The following TBC1D22A variants were observed in gnomAD, a reference collection of about 807,000 sequenced individuals.
The protein encoded by TBC1D22A is putative GTPase activator.
Under a neutral mutation model 60.2 loss-of-function variants are expected in TBC1D22A, and 38 were observed. That is an observed-to-expected ratio of 0.63 (90% CI 0.49 to 0.83). TBC1D22A has a LOEUF of 0.83. Among genes scored for constraint, TBC1D22A ranks in the 40% least tolerant of loss-of-function variants. The probability of loss-of-function intolerance (pLI) is 0.00; values close to 1 mark genes in which losing one functional copy is unlikely to be tolerated. For synonymous variants in TBC1D22A, 302 were observed against 281.7 expected (o/e 1.07, Z -0.72); for missense variants, 628 against 701.0 (o/e 0.90, Z 1.18).
intron 11 of TBC1D22A, among the ~76,000 whole-genome samples, chr22:47,058,759 G>T (rs1480652736): frequency 6.6e-6 from 1 of 152,108 alleles, no homozygotes; most frequent in African/African-American, 2.4e-5. Context: ...TTGGTCCGTA[G>T]GTCCCAGCGC....
intron 11 of TBC1D22A, among the ~76,000 whole-genome samples, chr22:47,040,052 C>T (rs2062790345): frequency 6.8e-6 from 1 of 146,324 alleles, no homozygotes; most frequent in Admixed American, 7.1e-5. Context: ...TCATGCCATT[C>T]TCCTGCCTCA....
At chr22:46,765,772 T>C (rs2083260070) in intron 1 of TBC1D22A, among the ~76,000 whole-genome samples, 1 of 133,498 alleles carries the variant, frequency 7.5e-6, no homozygotes, top group Non-Finnish European at 1.6e-5. Flanking sequence ...TGGCCTTGTT[T>C]TCCTCCTTTT....
At chr22:46,927,402 C>A (rs769384338) in intron 8 of TBC1D22A, among the ~76,000 whole-genome samples, 7 of 152,198 alleles carry the variant, frequency 4.6e-5, no homozygotes, top group Non-Finnish European at 8.8e-5. Context: ...AAATCCAACA[C>A]CCTTTTATGA....
chr22:47,167,223 A>G (rs2068241737), intron 12 of TBC1D22A, among the ~76,000 whole-genome samples: 1 of 152,230 alleles, frequency 6.6e-6, no homozygotes, highest in South Asian at 2.1e-4. Context: ...ACACCCAGGT[A>G]ACACCCAGGC....
chr22:47,169,869 G>A (rs1373590659), intron 12 of TBC1D22A, among the ~76,000 whole-genome samples: 1 of 152,228 alleles, frequency 6.6e-6, no homozygotes, highest in Non-Finnish European at 1.5e-5. Context: ...ATAGTTTTCT[G>A]GGCTGGGCCC....
At chr22:47,161,044 A>T (rs2067963710) in intron 12 of TBC1D22A, among the ~76,000 whole-genome samples, 1 of 152,196 alleles carries the variant, frequency 6.6e-6, no homozygotes, top group African/African-American at 2.4e-5. Flanking sequence ...CACCTGCCAC[A>T]GCACATGCTG....
At chr22:46,825,286 C>T (rs1602030375) in intron 4 of TBC1D22A, among the ~76,000 whole-genome samples, 2 of 152,074 alleles carry the variant, frequency 1.3e-5, no homozygotes, top group Non-Finnish European at 2.9e-5. Context: ...GGTCTGAACC[C>T]CGCCGTGCCC....
At position 47,173,856 on chromosome 22, in the gene TBC1D22A, G is replaced by T. The variant is rs1027150787; in HGVS notation, c.*230G>T. Reference sequence around the variant, plus strand: ...AAAGAGAGCCAGGGGAGGGCCCCGGGTTCGGCGGCCAGAGGCAGGTCAGGG... The same window carrying T: ...AAAGAGAGCCAGGGGAGGGCCCCGGTTTCGGCGGCCAGAGGCAGGTCAGGG... On this transcript the variant is annotated 3_prime_UTR_variant, in exon 13 of 13. Coordinates refer to ENST00000337137, the MANE Select transcript of TBC1D22A (RefSeq NM_014346.5). 9 of 605,946 alleles carry T rather than the reference G, an allele frequency of 1.5e-5. No homozygotes were observed. The highest frequency in any genetic ancestry group is 2.4e-5 in the Non-Finnish European group (9 of 379,890). 37.5% of individuals were successfully genotyped at this position (605,946 alleles called of 1,614,324 possible). A position where few individuals can be genotyped will look rare whatever the true frequency, so the allele number is the denominator to read the frequency against.
chr22:46,900,445 C>T (rs570734931), intron 7 of TBC1D22A, among the ~76,000 whole-genome samples: 4 of 152,164 alleles, frequency 2.6e-5, no homozygotes, highest in Admixed American at 6.5e-5. Context: ...TAACTGTGCC[C>T]GGCTTGACAG....
chr22:46,811,769 A>C (rs896692938), intron 4 of TBC1D22A, among the ~76,000 whole-genome samples: 4 of 152,198 alleles, frequency 2.6e-5, no homozygotes, highest in African/African-American at 9.7e-5. Context: ...TTTCAGAAGA[A>C]GGCAGTGGTA....
chr22:46,996,514 T>G (rs575505543), intron 9 of TBC1D22A, among the ~76,000 whole-genome samples: 9 of 152,254 alleles, frequency 5.9e-5, no homozygotes, highest in Non-Finnish European at 1.3e-4. Flanking sequence ...GCAACCCTGG[T>G]TCCCCTTGCC....
chr22:47,163,904 T>C (rs891061542), intron 12 of TBC1D22A, among the ~76,000 whole-genome samples: 2 of 152,184 alleles, frequency 1.3e-5, no homozygotes, highest in African/African-American at 4.8e-5. Flanking sequence ...TAACTGCACA[T>C]ATCAGCACCA....
chr22:47,045,827 G>T (rs1238308373), intron 11 of TBC1D22A, among the ~76,000 whole-genome samples: 1 of 152,134 alleles, frequency 6.6e-6, no homozygotes, highest in African/African-American at 2.4e-5. Context: ...TGTACGGATT[G>T]GTGTGGGGCT....
intron 8 of TBC1D22A, among the ~76,000 whole-genome samples, chr22:46,965,861 G>T (rs955719814): frequency 6.6e-6 from 1 of 152,172 alleles, no homozygotes; most frequent in Non-Finnish European, 1.5e-5. Context: ...CCTCAGCAGT[G>T]CTGGGCCAGC....
intron 4 of TBC1D22A, among the ~76,000 whole-genome samples, chr22:46,819,591 C>G (rs113620029): frequency 6.6e-6 from 1 of 152,118 alleles, no homozygotes; most frequent in Admixed American, 6.5e-5. Context: ...TGAAGCCTAC[C>G]TGATCATGGT....
intron 12 of TBC1D22A, among the ~76,000 whole-genome samples, chr22:47,121,711 A>C (rs1188306136): frequency 2.0e-5 from 3 of 151,274 alleles, no homozygotes; most frequent in Non-Finnish European, 4.4e-5. Flanking sequence ...TGTTTGAAAA[A>C]AAATTTTTTT....
chr22:46,778,215 G>A (rs1005733556), intron 1 of TBC1D22A, among the ~76,000 whole-genome samples: 1 of 151,206 alleles, frequency 6.6e-6, no homozygotes, highest in Non-Finnish European at 1.5e-5. Flanking sequence ...TCGTGTAGAT[G>A]TCATTAGCAC....
intron 7 of TBC1D22A, among the ~76,000 whole-genome samples, chr22:46,900,123 T>C (rs767482693): frequency 2.5e-4 from 38 of 152,150 alleles, no homozygotes; most frequent in Admixed American, 3.9e-4. Flanking sequence ...ATTTTAGGTT[T>C]ATAATTGGAT....
intron 12 of TBC1D22A, among the ~76,000 whole-genome samples, chr22:47,125,540 C>G (rs2066422978): frequency 6.6e-6 from 1 of 152,158 alleles, no homozygotes; most frequent in South Asian, 2.1e-4. Context: ...GTTTGGGCTG[C>G]AGAGTTTAAT....
Sources: gnomAD v4.1 joint callset for allele counts (sites outside exome capture counted in the v4.1 genomes callset) on GRCh38, gnomAD v4.1.1 for gene constraint, MANE v1.5 for transcripts, NCBI Gene and HGNC (gene_info 2026-07-23, HGNC 2026-07-21) for gene names.